Variants in RBMS3 observed in about 807,000 individuals in gnomAD.
RBMS3 encodes RNA-binding motif, single-stranded-interacting protein 3.
A neutral mutation model predicts 66.8 loss-of-function variants in RBMS3; 27 were observed. That is an observed-to-expected ratio of 0.40 (90% confidence interval 0.30 to 0.56). The LOEUF (loss-of-function observed/expected upper bound fraction) is 0.56. Among genes scored for constraint, RBMS3 ranks in the 20% least tolerant of loss-of-function variants. The pLI, the probability that RBMS3 is intolerant of heterozygous loss-of-function variation, is 0.40. For missense variants in RBMS3, 513 were observed against 549.5 expected (o/e 0.93, Z 0.66); for synonymous variants, 188 against 183.0 (o/e 1.03, Z -0.22).
chr3:29,798,644 T>A (rs193126681), intron 6 of RBMS3, among the ~76,000 whole-genome samples: 19 of 152,348 alleles, frequency 1.2e-4, no homozygotes, highest in Middle Eastern at 3.4e-3. Context: ...TGGCATGTTA[T>A]GCTTTTCACC....
At chr3:29,342,653 G>A (rs1177566707) in intron 1 of RBMS3, among the ~76,000 whole-genome samples, 1 of 152,080 alleles carries the variant, frequency 6.6e-6, no homozygotes, top group African/African-American at 2.4e-5. Context: ...TATTTCCATA[G>A]TTATAAAAAA....
At chr3:29,343,621 C>A (rs2036406494) in intron 1 of RBMS3, among the ~76,000 whole-genome samples, 1 of 152,088 alleles carries the variant, frequency 6.6e-6, no homozygotes. Context: ...AGACAACATG[C>A]CTCTCAATTG....
At chr3:29,772,574 G>A (rs1346385782) in intron 6 of RBMS3, among the ~76,000 whole-genome samples, 1 of 151,938 alleles carries the variant, frequency 6.6e-6, no homozygotes, top group Non-Finnish European at 1.5e-5. Flanking sequence ...CAGTGGAGAT[G>A]AGAGATTGGG....
At chr3:29,401,474 A>C (rs1199960144) in intron 1 of RBMS3, among the ~76,000 whole-genome samples, 3 of 152,092 alleles carry the variant, frequency 2.0e-5, no homozygotes, top group Non-Finnish European at 4.4e-5. Flanking sequence ...CCTCTTCATC[A>C]TGAGAAGATA....
chr3:29,661,932 A>AT (rs1050373162), intron 4 of RBMS3, among the ~76,000 whole-genome samples: 3 of 152,316 alleles, frequency 2.0e-5, no homozygotes, highest in East Asian at 3.9e-4. Flanking sequence ...CCTGATCAAC[A>AT]TCTCAGTTCC....
At chr3:29,941,514 G>T (rs997057357) in intron 11 of RBMS3, among the ~76,000 whole-genome samples, 4 of 151,516 alleles carry the variant, frequency 2.6e-5, no homozygotes, top group African/African-American at 9.7e-5. Context: ...TATCTAAAAA[G>T]GTAATAGTTT....
chr3:29,428,958 C>A (rs934394944), intron 1 of RBMS3, among the ~76,000 whole-genome samples: 1 of 152,174 alleles, frequency 6.6e-6, no homozygotes, highest in African/African-American at 2.4e-5. Flanking sequence ...CATCATCATT[C>A]TTTCCCTCCT....
In RBMS3 at chr3:29,796,078, A is replaced by G. The variant is rs75392404; in HGVS notation, c.637+33089A>G. Reference sequence around the variant, plus strand: ...CTACTGCAATAAAGCAAATATCACAAGAAAGTGAATCTCAATAATATTTTG... The same window carrying G: ...CTACTGCAATAAAGCAAATATCACAGGAAAGTGAATCTCAATAATATTTTG... On this transcript the variant is annotated intron_variant, in intron 6 of 14. Transcript: ENST00000383767. Among the ~76,000 whole-genome samples the G allele has an allele frequency of 6.1e-3, 934 of 152,316 alleles. 7 individuals are homozygous for G. Among genetic ancestry groups the G allele is most frequent in the Non-Finnish European group, 8.2e-3 (558 of 68,028 alleles).
chr3:29,509,983 CA>C (rs1017040577), intron 3 of RBMS3, among the ~76,000 whole-genome samples: 18 of 152,054 alleles, frequency 1.2e-4, no homozygotes, highest in Middle Eastern at 3.4e-3. Flanking sequence ...GGTTATAGCA[CA>C]AAAAAATGAT....
At chr3:29,674,737 CAAAAAAAAAAA>C (rs149403305) in intron 4 of RBMS3, among the ~76,000 whole-genome samples, 1 of 100,912 alleles carries the variant, frequency 9.9e-6, no homozygotes, top group East Asian at 3.0e-4. Flanking sequence ...ACCACTGCTC[CAAAAAAAAAAA>C]AAAAAAAAAA....
intron 4 of RBMS3, among the ~76,000 whole-genome samples, chr3:29,680,156 A>G (rs1484521134): frequency 6.6e-6 from 1 of 152,204 alleles, no homozygotes; most frequent in Non-Finnish European, 1.5e-5. Context: ...ATTTGACAGA[A>G]CAGTCGTTTA....
At chr3:29,761,803 G>A (rs1205142865) in intron 5 of RBMS3, among the ~76,000 whole-genome samples, 1 of 152,102 alleles carries the variant, frequency 6.6e-6, no homozygotes, top group East Asian at 1.9e-4. Context: ...AATAACAGCA[G>A]AAAATCCAAA....
intron 7 of RBMS3, chr3:29,880,933 C>A: frequency 8.9e-7 from 1 of 1,127,230 alleles, no homozygotes; most frequent in Non-Finnish European, 1.3e-6. Flanking sequence ...CTGGATTTAC[C>A]CTCTGTTTTC....
At chr3:29,302,648 A>T (rs769312652) in intron 1 of RBMS3, among the ~76,000 whole-genome samples, 1 of 152,076 alleles carries the variant, frequency 6.6e-6, no homozygotes, top group Admixed American at 6.6e-5. Flanking sequence ...AAATATATCT[A>T]AAGGAAGACT....
chr3:29,696,902 C>G (rs2052305753), intron 4 of RBMS3: 1 of 950,964 alleles, frequency 1.1e-6, no homozygotes, highest in Non-Finnish European at 1.3e-6. Context: ...ACACCAACCC[C>G]TGATTGACTA....
intron 4 of RBMS3, chr3:29,698,259 C>T: frequency 2.0e-6 from 2 of 985,370 alleles, no homozygotes; most frequent in South Asian, 4.7e-5. Context: ...ACATACACAG[C>T]AAATGCAGCC....
chr3:29,955,822 A>C (rs902335972), intron 12 of RBMS3, among the ~76,000 whole-genome samples: 1 of 152,074 alleles, frequency 6.6e-6, no homozygotes, highest in Non-Finnish European at 1.5e-5. Flanking sequence ...TGTATAAATC[A>C]TTGCTAACTA....
intron 2 of RBMS3, among the ~76,000 whole-genome samples, chr3:29,474,333 A>C (rs1339486526): frequency 6.6e-6 from 1 of 152,212 alleles, no homozygotes; most frequent in African/African-American, 2.4e-5. Context: ...TTCTATTATT[A>C]ATAAGCATTT....
chr3:29,708,049 T>C (rs1341435006), intron 4 of RBMS3, among the ~76,000 whole-genome samples: 1 of 152,204 alleles, frequency 6.6e-6, no homozygotes, highest in Non-Finnish European at 1.5e-5. Context: ...GCACCTTCCG[T>C]TTAGAGAGTA....
Sources: gnomAD v4.1 joint callset for allele counts (sites outside exome capture counted in the v4.1 genomes callset) on GRCh38, gnomAD v4.1.1 for gene constraint, MANE v1.5 for transcripts, NCBI Gene and HGNC (gene_info 2026-07-23, HGNC 2026-07-21) for gene names.